The following USP44 variants were observed in gnomAD, a reference collection of about 807,000 sequenced individuals.
USP44 encodes ubiquitin carboxyl-terminal hydrolase 44.
A neutral mutation model predicts 69.0 loss-of-function variants in USP44; 61 were observed. The observed-to-expected ratio is 0.88, with a 90% CI of 0.72 to 1.09. The LOEUF is 1.09. Ranked by LOEUF, USP44 falls within the 50% of genes least tolerant of loss-of-function variation. USP44 has a pLI of 0.00. For synonymous variants in USP44, 297 were observed against 295.4 expected, an observed-to-expected ratio of 1.01 and a Z score of -0.06; for missense variants, 753 against 849.9, an observed-to-expected ratio of 0.89 and a Z score of 1.42.
At chr12:95,549,115 A>G (rs1226412402) in intron 1 of USP44, among the ~76,000 whole-genome samples, 1 of 152,228 alleles carries the variant, frequency 6.6e-6, no homozygotes, top group South Asian at 2.1e-4. Flanking sequence ...TGAGCCGCAG[A>G]ATCATCCACG....
chr12:95,550,733 C>T (rs1312227074), intron 1 of USP44, among the ~76,000 whole-genome samples: 1 of 151,498 alleles, frequency 6.6e-6, no homozygotes, highest in Non-Finnish European at 1.5e-5. Flanking sequence ...AGTAATTGGG[C>T]GGGGTCTTTT....
intron 2 of USP44, among the ~76,000 whole-genome samples, chr12:95,532,269 G>T (rs575626887): frequency 1.3e-4 from 20 of 148,950 alleles, no homozygotes; most frequent in African/African-American, 4.9e-4. Flanking sequence ...CTGGGTTCAA[G>T]CGATTCTCCT....
rs1322757046 is a variant in USP44 at position 95,534,021 on chromosome 12, CA to C, written c.235del (p.Cys79ValfsTer9). Reference protein sequence around the residue: ...ALEVNEMYVFCYLCDDYVLND... With the variant: ...ALEVNEMYVFXYLCDDYVLND... ...CAGAACATAATCATCACAAAGGTAA[CA>C]AAAAACGTACATCTCATTCACCTCC... On this transcript the variant is annotated frameshift_variant, in exon 2 of 6. Coordinates refer to ENST00000258499, the MANE Select transcript of USP44 (RefSeq NM_032147.5). LOFTEE classifies it high-confidence loss of function. 6.2e-7 allele frequency: 1 copy of C among 1,614,000 alleles called. No individual in the cohort carries two copies. Among genetic ancestry groups the C allele is most frequent in the Non-Finnish European group, 8.5e-7 (1 of 1,179,992 alleles).
rs149580595 is a variant in USP44 at position 95,536,028 on chromosome 12, CCTTT to C, written c.-70-1706_-70-1703del. Reference sequence around the variant, plus strand: ...CACATGTTCACATGTTTCTTTCTTTCCTTTTTTTTCCTTTTTTTTTTTTTTTTTT... The same window carrying C: ...CACATGTTCACATGTTTCTTTCTTTCTTTTTCCTTTTTTTTTTTTTTTTTT... On this transcript the variant is annotated intron_variant, in intron 1 of 5. Transcript: ENST00000258499. 1.3e-3 allele frequency among the ~76,000 whole-genome samples: 156 copies of C among 124,616 alleles called. 1 individual carries two copies. The highest frequency in any genetic ancestry group is 1.8e-3 in the Non-Finnish European group (95 of 53,872). 81.8% of individuals were successfully genotyped at this position (124,616 alleles called of 152,430 possible). A position where few individuals can be genotyped will look rare whatever the true frequency, so the allele number is the denominator to read the frequency against.
Position 95,533,100 on chromosome 12 carries a change from T to C in USP44, c.1157A>G (p.His386Arg). Residue 386 changes from histidine to arginine, a missense_variant, in exon 2 of 6, where the codon CAT (histidine) becomes CGT (arginine). By Grantham distance (29) the His-to-Arg change is conservative. Coordinates refer to ENST00000258499, the MANE Select transcript of USP44 (RefSeq NM_032147.5). ...AGACCACATGACTTGGAACAAAGTA[T>C]GCAATTCATGACAAAGAGAAATGTA... Reference protein sequence around the residue: ...SQYISLCHELHTLFQVMWSGK... With the variant: ...SQYISLCHELRTLFQVMWSGK... 2 of 1,614,254 alleles carry C rather than the reference T, an allele frequency of 1.2e-6. No individual in the cohort carries two copies. Among genetic ancestry groups the C allele is most frequent in the East Asian group, 2.2e-5 (1 of 44,886 alleles).
At chr12:95,531,481 C>A (rs2077018801) in intron 2 of USP44, among the ~76,000 whole-genome samples, 1 of 151,958 alleles carries the variant, frequency 6.6e-6, no homozygotes, top group Non-Finnish European at 1.5e-5. Context: ...TATAGATTTC[C>A]TATATTATAT....
intron 4 of USP44, among the ~76,000 whole-genome samples, chr12:95,523,527 GTA>G (rs1340634107): frequency 6.6e-5 from 10 of 152,140 alleles, no homozygotes; most frequent in African/African-American, 2.4e-4. Context: ...TGTTGTAAGA[GTA>G]TGGTAGGAGA....
At chr12:95,536,482 C>T (rs762587038) in intron 1 of USP44, among the ~76,000 whole-genome samples, 2 of 152,144 alleles carry the variant, frequency 1.3e-5, no homozygotes, top group Non-Finnish European at 2.9e-5. Flanking sequence ...AGAATTGAGA[C>T]ATCAGTGATT....
In USP44 at chr12:95,522,544, G is replaced by A. The variant is rs191779882; in HGVS notation, c.1734-1342C>T. Among the ~76,000 whole-genome samples the A allele has an allele frequency of 5.5e-3, 839 of 152,134 alleles. 7 individuals carry two copies. The highest frequency in any genetic ancestry group is 0.019 in the African/African-American group (801 of 41,486). On this transcript the variant is annotated intron_variant, in intron 4 of 5. Transcript: ENST00000258499. ...TGTAATCCCAGCACCTTGGGAGGCC[G>A]AGGTGGGTGGATCACCTGAGGTCAG... is the stretch of plus-strand genomic sequence containing the variant.
In USP44 at chr12:95,533,218, A is replaced by G; in HGVS notation, c.1039T>C (p.Ser347Pro). The G allele has an allele frequency of 6.2e-7, 1 of 1,614,150 alleles. No individual in the cohort carries two copies. The highest frequency in any genetic ancestry group is 1.1e-5 in the South Asian group (1 of 91,084). The change falls in exon 2 of 6, where the codon TCC (serine) becomes CCC (proline). Residue 347 changes from serine to proline, a missense_variant. By Grantham distance (74) the Ser-to-Pro change is moderately conservative (BLOSUM62 -1). Coordinates refer to ENST00000258499, the MANE Select transcript of USP44 (RefSeq NM_032147.5). ...CCTGATGACAGACTTGATTGTCTGG[A>G]GCAAACAAAACCTGTATCTTTTTCC... is the stretch of plus-strand genomic sequence containing the variant. ...CQEKDTGFVC[S>P]RQSSLSSGLS...
At position 95,525,189 on chromosome 12, in the gene USP44, A is replaced by T. The variant is rs142330824; in HGVS notation, c.1625-401T>A. On this transcript the variant is annotated intron_variant, in intron 3 of 5. Coordinates refer to ENST00000258499, the MANE Select transcript of USP44 (RefSeq NM_032147.5). ...TGGGTTCAAGCAATTCTCCTGCCTC[A>T]GCCTCCCATGTAACTGGGACTATAG... Among the ~76,000 whole-genome samples the T allele has an allele frequency of 1.1e-3, 165 of 152,306 alleles. 2 individuals carry two copies. The East Asian group carries it at 0.03, about 27-fold the overall frequency.
intron 2 of USP44, among the ~76,000 whole-genome samples, chr12:95,532,354 G>C (rs1271072573): frequency 6.6e-6 from 1 of 151,978 alleles, no homozygotes; most frequent in Admixed American, 6.6e-5. Flanking sequence ...TTTTAGTAGA[G>C]ATGGGGTTAC....
intron 5 of USP44, among the ~76,000 whole-genome samples, chr12:95,519,492 T>C (rs562002416): frequency 1.1e-4 from 15 of 135,078 alleles, no homozygotes; most frequent in Non-Finnish European, 2.1e-4. Context: ...CAGGCTGGAG[T>C]ACAGTGGCGC....
upstream of USP44, chr12:95,551,667 A>T (rs1472678388): frequency 2.0e-5 from 3 of 152,166 alleles, no homozygotes; most frequent in Admixed American, 6.6e-5. Flanking sequence ...CCGGCCAAAA[A>T]CACTGCTGAA....
rs560429265 is a variant in USP44 at position 95,537,786 on chromosome 12, T to A, written c.-70-3460A>T. 2.1e-4 allele frequency among the ~76,000 whole-genome samples: 32 copies of A among 152,300 alleles called. No individual in the cohort carries two copies. The South Asian group carries it at 6.4e-3, about 31-fold the overall frequency. Reference sequence around the variant, plus strand: ...CATTTATTCTGAGGTTACCTCTGGGTAATGGGACTGAAAATTACTGTACTT... The same window carrying A: ...CATTTATTCTGAGGTTACCTCTGGGAAATGGGACTGAAAATTACTGTACTT... On this transcript the variant is annotated intron_variant, in intron 1 of 5. Transcript: ENST00000258499.
At chr12:95,549,377 A>G (rs1027713974) in intron 1 of USP44, among the ~76,000 whole-genome samples, 2 of 152,210 alleles carry the variant, frequency 1.3e-5, no homozygotes, top group African/African-American at 2.4e-5. Flanking sequence ...GGGAACCGCT[A>G]TCTAGAACTG....
chr12:95,542,917 C>T (rs2077437373), intron 1 of USP44, among the ~76,000 whole-genome samples: 1 of 149,818 alleles, frequency 6.7e-6, no homozygotes, highest in African/African-American at 2.5e-5. Flanking sequence ...TGAAACCCGT[C>T]TCTACTAAAA....
Position 95,533,053 on chromosome 12 carries a change from G to T in USP44, c.1204C>A (p.Pro402Thr). 1 of 1,614,196 alleles carries T rather than the reference G, an allele frequency of 6.2e-7. No homozygotes were observed. The highest frequency in any genetic ancestry group is 1.3e-5 in the African/African-American group (1 of 75,036). Residue 402 changes from proline to threonine, a missense_variant, in exon 2 of 6, where the codon CCA becomes ACA. Pro to Thr is a conservative substitution (Grantham distance 38). Transcript: ENST00000258499. ...CACACTGAGTGTAGCATAGCAAATG[G>T]TGAGACCAACGCCCACTTTCCAGAC... ...MWSGKWALVSPFAMLHSVWRL... is the reference protein window; with the variant it reads ...MWSGKWALVSTFAMLHSVWRL...
At chr12:95,530,071 G>A (rs2076971187) in intron 2 of USP44, among the ~76,000 whole-genome samples, 1 of 152,154 alleles carries the variant, frequency 6.6e-6, no homozygotes, top group Non-Finnish European at 1.5e-5. Flanking sequence ...GCACATAATT[G>A]AAGACAGACT....
Sources: gnomAD v4.1 joint callset for allele counts (sites outside exome capture counted in the v4.1 genomes callset) on GRCh38, gnomAD v4.1.1 for gene constraint, MANE v1.5 for transcripts, NCBI Gene and HGNC (gene_info 2026-07-23, HGNC 2026-07-21) for gene names.